The following RAB22A variants were observed in gnomAD, a reference collection of about 807,000 sequenced individuals.
RAB22A encodes ras-related protein Rab-22A.
In RAB22A, 13 loss-of-function variants were observed where a neutral mutation model predicts 30.2. The ratio of observed to expected loss-of-function variants is 0.43; its 90% CI spans 0.28 to 0.68. The LOEUF (loss-of-function observed/expected upper bound fraction) is 0.68. RAB22A is among the 30% of genes least tolerant of loss of function. The pLI is 0.18. For synonymous variants in RAB22A, 89 were observed against 87.2 expected, an observed-to-expected ratio of 1.02 and a Z score of -0.11; for missense variants, 177 against 246.8, an observed-to-expected ratio of 0.72 and a Z score of 1.89.
Position 58,364,280 on chromosome 20 carries a change from C to T in RAB22A, c.*4577C>T, listed in dbSNP as rs2122979657. On this transcript the variant is annotated 3_prime_UTR_variant, in exon 7 of 7. Coordinates refer to ENST00000244040, the MANE Select transcript of RAB22A (RefSeq NM_020673.3). ...TCTTAGCATATAGGAAAATGATTTA[C>T]CTTCCAGATCTCGAAGGACTTCCAA... 6.6e-6 allele frequency: 1 copy of T among 152,280 alleles called. No homozygotes were observed. The highest frequency in any genetic ancestry group is 1.5e-5 in the Non-Finnish European group (1 of 68,006). 9.4% of individuals were successfully genotyped at this position (152,280 alleles called of 1,614,324 possible). A position where few individuals can be genotyped will look rare whatever the true frequency, so the allele number is the denominator to read the frequency against.
At chr20:58,317,797 T>C (rs918177037) in intron 2 of RAB22A, among the ~76,000 whole-genome samples, 4 of 152,120 alleles carry the variant, frequency 2.6e-5, no homozygotes, top group Non-Finnish European at 5.9e-5. Context: ...CCGCCTGCCT[T>C]GGCCTCCCAA....
At chr20:58,356,592 A>G (rs1273238444) in intron 6 of RAB22A, among the ~76,000 whole-genome samples, 6 of 152,228 alleles carry the variant, frequency 3.9e-5, no homozygotes, top group Non-Finnish European at 7.3e-5. Context: ...CACAAACTGA[A>G]TATACTCCGG....
At chr20:58,326,574 T>C (rs1366210882) in intron 2 of RAB22A, among the ~76,000 whole-genome samples, 1 of 152,194 alleles carries the variant, frequency 6.6e-6, no homozygotes, top group Non-Finnish European at 1.5e-5. Flanking sequence ...TCCCCCTAGT[T>C]GAGGACATCC....
chr20:58,352,845 C>T (rs1987075754), intron 3 of RAB22A, among the ~76,000 whole-genome samples: 1 of 152,210 alleles, frequency 6.6e-6, no homozygotes, highest in Admixed American at 6.5e-5. Context: ...AATCAGTGTT[C>T]AGATTACAGG....
intron 2 of RAB22A, among the ~76,000 whole-genome samples, chr20:58,312,063 C>A (rs1433774488): frequency 6.6e-6 from 1 of 152,126 alleles, no homozygotes; most frequent in Non-Finnish European, 1.5e-5. Context: ...TCAAGCGATT[C>A]TCCTGCCTCA....
intron 2 of RAB22A, among the ~76,000 whole-genome samples, chr20:58,314,228 C>G (rs1255317908): frequency 1.3e-5 from 2 of 152,170 alleles, no homozygotes; most frequent in Admixed American, 6.5e-5. Context: ...CAATGCCAAG[C>G]TAATTTTTGT....
intron 3 of RAB22A, among the ~76,000 whole-genome samples, chr20:58,346,473 C>G (rs1411529912): frequency 2.0e-5 from 3 of 152,214 alleles, no homozygotes; most frequent in Non-Finnish European, 4.4e-5. Context: ...CACCAAAACT[C>G]TCTGTTCCCT....
intron 2 of RAB22A, among the ~76,000 whole-genome samples, chr20:58,324,307 T>C (rs559844221): frequency 1.5e-4 from 6 of 39,344 alleles, no homozygotes; most frequent in African/African-American, 1.3e-3. Context: ...ACATTGGGGT[T>C]TTTTTTTTTA....
At chr20:58,322,414 TTCAGTCA>T (rs1216755048) in intron 2 of RAB22A, among the ~76,000 whole-genome samples, 1 of 152,238 alleles carries the variant, frequency 6.6e-6, no homozygotes, top group African/African-American at 2.4e-5. Context: ...AATTCAAATC[TTCAGTCA>T]TATTAGCTAC....
intron 2 of RAB22A, among the ~76,000 whole-genome samples, chr20:58,323,609 G>A (rs1001908922): frequency 3.4e-5 from 5 of 149,152 alleles, no homozygotes; most frequent in Non-Finnish European, 4.5e-5. Context: ...CATTACAAAC[G>A]TGCCCTTTTT....
chr20:58,342,921 C>T (rs1369264526), intron 2 of RAB22A, among the ~76,000 whole-genome samples: 1 of 152,082 alleles, frequency 6.6e-6, no homozygotes, highest in South Asian at 2.1e-4. Context: ...CACCATGGCT[C>T]TTCAGAGGAT....
chr20:58,346,613 A>C (rs1445745103), intron 3 of RAB22A, among the ~76,000 whole-genome samples: 1 of 151,976 alleles, frequency 6.6e-6, no homozygotes, highest in African/African-American at 2.4e-5. Flanking sequence ...GCCCTTACTC[A>C]TTTTCCTCAG....
chr20:58,312,544 A>C (rs1986250999), intron 2 of RAB22A, among the ~76,000 whole-genome samples: 1 of 116,860 alleles, frequency 8.6e-6, no homozygotes, highest in Non-Finnish European at 1.6e-5. Context: ...GCTGGAGTGC[A>C]GTGGCGCGAT....
At chr20:58,336,236 T>A (rs997952079) in intron 2 of RAB22A, among the ~76,000 whole-genome samples, 3 of 152,202 alleles carry the variant, frequency 2.0e-5, no homozygotes, top group African/African-American at 7.2e-5. Flanking sequence ...GGTCTCGTAC[T>A]CCTGACCTCA....
chr20:58,360,789 G>T lies in RAB22A; in HGVS notation c.*1086G>T, dbSNP rs917655163. The T allele has an allele frequency of 6.6e-6, 1 of 152,500 alleles. No individual in the cohort carries two copies. The highest frequency in any genetic ancestry group is 1.5e-5 in the Non-Finnish European group (1 of 68,048). 9.4% of individuals were successfully genotyped at this position (152,500 alleles called of 1,614,324 possible). A position where few individuals can be genotyped will look rare whatever the true frequency, so the allele number is the denominator to read the frequency against. ...AGCACTTAGCTTACAATCTTTAAAG[G>T]TTTCTCTGCCTTCCCTTCTACCCAC... On this transcript the variant is annotated 3_prime_UTR_variant, in exon 7 of 7. Coordinates refer to ENST00000244040, the MANE Select transcript of RAB22A (RefSeq NM_020673.3).
chr20:58,345,776 T>A (rs180924228), intron 3 of RAB22A: 2 of 152,398 alleles, frequency 1.3e-5, no homozygotes, highest in Non-Finnish European at 2.9e-5. Flanking sequence ...TCCTGGGCAG[T>A]GCATTGAAGG....
intron 2 of RAB22A, among the ~76,000 whole-genome samples, chr20:58,321,810 A>C (rs1383748842): frequency 6.6e-6 from 1 of 152,166 alleles, no homozygotes; most frequent in African/African-American, 2.4e-5. Flanking sequence ...TGTTATATAT[A>C]CATAAACAGA....
intron 6 of RAB22A, among the ~76,000 whole-genome samples, chr20:58,356,260 G>A (rs1319765539): frequency 6.7e-6 from 1 of 149,788 alleles, no homozygotes; most frequent in African/African-American, 2.5e-5. Flanking sequence ...GCAGTGAGCC[G>A]AGATCACGCC....
At chr20:58,350,893 A>G (rs952780551) in intron 3 of RAB22A, among the ~76,000 whole-genome samples, 8 of 152,246 alleles carry the variant, frequency 5.3e-5, no homozygotes, top group African/African-American at 1.7e-4. Context: ...TTCAAAAATT[A>G]TAACACTGGA....
Sources: allele counts gnomAD v4.1 joint callset (sites outside exome capture counted in the v4.1 genomes callset), GRCh38; gene constraint gnomAD v4.1.1; transcripts MANE v1.5; gene names NCBI Gene and HGNC (gene_info 2026-07-23, HGNC 2026-07-21).